VTA1: variants seen among roughly 807,000 people sequenced by gnomAD.
VTA1 encodes vesicle trafficking 1, also known as vacuolar protein sorting-associated protein VTA1 homolog.
Under a neutral mutation model 36.9 loss-of-function variants are expected in VTA1, and 24 were observed. The ratio of observed to expected loss-of-function variants is 0.65; its 90% CI spans 0.47 to 0.91. The LOEUF is 0.91. Among genes scored for constraint, VTA1 ranks in the 40% least tolerant of loss-of-function variants. VTA1 has a pLI of 0.00. For synonymous variants in VTA1, 142 were observed against 130.2 expected (o/e 1.09, Z -0.62); for missense variants, 393 against 377.2 (o/e 1.04, Z -0.35).
At chr6:142,211,147 T>C (rs1775895290) in intron 7 of VTA1, among the ~76,000 whole-genome samples, 1 of 151,426 alleles carries the variant, frequency 6.6e-6, no homozygotes. Context: ...GGTAGATTAG[T>C]GGTTACCAAA....
At position 142,166,210 on chromosome 6, in the gene VTA1, TCTTA is replaced by T. The variant is rs760198268; in HGVS notation, c.113-14_113-11del. On this transcript the variant is annotated splice_polypyrimidine_tract_variant and intron_variant, in intron 1 of 7. Coordinates refer to ENST00000367630, the MANE Select transcript of VTA1 (RefSeq NM_016485.5). ...TTTAAAAATGAAATTGTTCAAATTA[TCTTA>T]CTTTTCTTTCTAGGTCGTTTATACG... 14 of 1,562,160 alleles carry T rather than the reference TCTTA, an allele frequency of 9.0e-6. No homozygotes were observed. Among genetic ancestry groups the T allele is most frequent in the Non-Finnish European group, 1.2e-5 (14 of 1,142,620 alleles).
At chr6:142,170,319 A>C in intron 3 of VTA1, 27 bp from the exon 4 acceptor site, 1 of 1,397,596 alleles carries the variant, frequency 7.2e-7, no homozygotes, top group Non-Finnish European at 9.4e-7. Flanking sequence ...TCATATTTAA[A>C]CTAGACCGCT....
At position 142,218,675 on chromosome 6, in the gene VTA1, G is replaced by T. The variant is rs1215534683; in HGVS notation, c.*32G>T. The T allele has an allele frequency of 1.9e-6, 3 of 1,581,626 alleles. No individual in the cohort carries two copies. The highest frequency in any genetic ancestry group is 2.6e-6 in the Non-Finnish European group (3 of 1,168,548). On this transcript the variant is annotated 3_prime_UTR_variant, in exon 8 of 8. Coordinates refer to ENST00000367630, the MANE Select transcript of VTA1 (RefSeq NM_016485.5). ...TGTATGACAGACCCATGTATTTTTG[G>T]CATGAGGAACTAACAGTCCATTACT...
intron 4 of VTA1, among the ~76,000 whole-genome samples, chr6:142,179,850 C>T (rs908828192): frequency 3.9e-5 from 6 of 152,136 alleles, no homozygotes; most frequent in South Asian, 2.1e-4. Context: ...AGTTCTAAAC[C>T]TGCTTATTCT....
intron 4 of VTA1, among the ~76,000 whole-genome samples, chr6:142,177,691 A>G (rs1006773312): frequency 6.6e-6 from 1 of 152,212 alleles, no homozygotes; most frequent in Non-Finnish European, 1.5e-5. Flanking sequence ...CAAAAAAATC[A>G]GTTCGTGTAG....
In VTA1 at chr6:142,203,882, TA is replaced by T. The variant is rs1351462534; in HGVS notation, c.698-101del. Reference sequence around the variant, plus strand: ...AGAATCCATTGATGTTTCTAGAAAATAAGCAAAGTAATGAAATTGCCTCATG... The same window carrying T: ...AGAATCCATTGATGTTTCTAGAAAATAGCAAAGTAATGAAATTGCCTCATG... On this transcript the variant is annotated intron_variant, in intron 6 of 7. Transcript: ENST00000367630. 3.4e-6 allele frequency: 3 copies of T among 886,156 alleles called. No homozygotes were observed. In the East Asian group the frequency reaches 8.0e-5, roughly 24 times the overall value. The allele number at this position is 886,156 out of a possible 1,614,324, so 54.9% of individuals were successfully genotyped here.
At chr6:142,159,838 T>G (rs962028493) in intron 1 of VTA1, among the ~76,000 whole-genome samples, 1 of 152,112 alleles carries the variant, frequency 6.6e-6, no homozygotes, top group Admixed American at 6.6e-5. Flanking sequence ...TCTAGAAGTT[T>G]CATTTGGATT....
At chr6:142,173,291 G>A (rs899382031) in intron 4 of VTA1, among the ~76,000 whole-genome samples, 3 of 152,208 alleles carry the variant, frequency 2.0e-5, no homozygotes, top group Non-Finnish European at 4.4e-5. Context: ...AGTGTAAGAG[G>A]AAGAAGTTAA....
At chr6:142,175,935 GCT>G (rs1165303826) in intron 4 of VTA1, among the ~76,000 whole-genome samples, 2 of 151,532 alleles carry the variant, frequency 1.3e-5, no homozygotes, top group Non-Finnish European at 2.9e-5. Flanking sequence ...TATGTATTTA[GCT>G]CTTTTAACTG....
chr6:142,147,776 G>A (rs748727128), intron 1 of VTA1, among the ~76,000 whole-genome samples: 4 of 152,216 alleles, frequency 2.6e-5, no homozygotes, highest in Admixed American at 1.3e-4. Context: ...AAGGAGTGAT[G>A]TGGATAAAAG....
chr6:142,195,882 A>C (rs1003756326), intron 5 of VTA1, among the ~76,000 whole-genome samples: 4 of 152,058 alleles, frequency 2.6e-5, no homozygotes, highest in Admixed American at 6.5e-5. Flanking sequence ...CATTTTAGTC[A>C]GAGAACATAC....
intron 7 of VTA1, among the ~76,000 whole-genome samples, chr6:142,214,214 A>T (rs910606448): frequency 2.6e-5 from 4 of 152,172 alleles, no homozygotes; most frequent in African/African-American, 9.7e-5. Flanking sequence ...AATTCCACAG[A>T]TCTCTAGGGC....
chr6:142,202,037 CTTG>C (rs1775695616), intron 6 of VTA1, among the ~76,000 whole-genome samples: 1 of 151,734 alleles, frequency 6.6e-6, no homozygotes, highest in Non-Finnish European at 1.5e-5. Context: ...GTAGATTTAC[CTTG>C]TTTTTTAAGA....
rs1776084704 is a variant in VTA1 at position 142,220,338 on chromosome 6, G to A, written c.*1695G>A. 1 of 152,148 alleles carries A rather than the reference G, an allele frequency of 6.6e-6. No individual in the cohort carries two copies. The highest frequency in any genetic ancestry group is 2.1e-4 in the South Asian group (1 of 4,826). The allele number at this position is 152,148 out of a possible 1,614,324, so 9.4% of individuals were successfully genotyped here. ...CCTTGATATGCCTGGACACTGAAAA[G>A]TAAACGCATCACCTCCTATTTTATA... On this transcript the variant is annotated 3_prime_UTR_variant, in exon 8 of 8. Transcript: ENST00000367630.
intron 4 of VTA1, among the ~76,000 whole-genome samples, chr6:142,182,563 AC>A (rs1260796137): frequency 9.9e-5 from 1 of 10,134 alleles, no homozygotes; most frequent in East Asian, 0.083. Context: ...TGTAGAGCTG[AC>A]AAAATTTTAA....
chr6:142,218,687 AAC>A lies in VTA1; in HGVS notation c.*46_*47del. On this transcript the variant is annotated 3_prime_UTR_variant, in exon 8 of 8. Coordinates refer to ENST00000367630, the MANE Select transcript of VTA1 (RefSeq NM_016485.5). The stretch of plus-strand genomic sequence containing the variant: ...CCATGTATTTTTGGCATGAGGAACT[AAC>A]AGTCCATTACTCTATCTTCAGCCTA... 1 of 1,575,452 alleles carries A rather than the reference AAC, an allele frequency of 6.3e-7. No individual in the cohort carries two copies.
chr6:142,186,444 G>T (rs1389087690), intron 4 of VTA1, among the ~76,000 whole-genome samples: 1 of 152,110 alleles, frequency 6.6e-6, no homozygotes, highest in Non-Finnish European at 1.5e-5. Context: ...GTAGGGGCTA[G>T]GGCAAGAATA....
intron 5 of VTA1, among the ~76,000 whole-genome samples, chr6:142,196,809 A>T (rs943653892): frequency 3.3e-5 from 5 of 151,942 alleles, no homozygotes; most frequent in African/African-American, 1.2e-4. Flanking sequence ...GCTCCTCTGC[A>T]TCCTGTTATC....
chr6:142,155,499 A>G (rs1373666433), intron 1 of VTA1, among the ~76,000 whole-genome samples: 2 of 152,186 alleles, frequency 1.3e-5, no homozygotes, highest in Admixed American at 6.5e-5. Flanking sequence ...AGCATCTTTT[A>G]TAACGTGAGG....
Sources: allele counts gnomAD v4.1 joint callset (sites outside exome capture counted in the v4.1 genomes callset), GRCh38; gene constraint gnomAD v4.1.1; transcripts MANE v1.5; gene names NCBI Gene and HGNC (gene_info 2026-07-23, HGNC 2026-07-21).